Variants in SYT16 observed in about 807,000 individuals in gnomAD.
The protein encoded by SYT16 is synaptotagmin 16, also known as synaptotagmin-16.
A neutral mutation model predicts 61.4 loss-of-function variants in SYT16; 42 were observed. That is an observed-to-expected ratio of 0.68 (90% CI 0.53 to 0.89). SYT16 has a LOEUF of 0.89. Among genes scored for constraint, SYT16 ranks in the 40% least tolerant of loss-of-function variants. SYT16 has a pLI of 0.00. For missense variants in SYT16, 804 were observed against 807.3 expected (o/e 1.00, Z 0.05); for synonymous variants, 314 against 302.3 (o/e 1.04, Z -0.40).
intron 1 of SYT16, among the ~76,000 whole-genome samples, chr14:61,963,170 A>C (rs1471185342): frequency 6.6e-6 from 1 of 152,014 alleles, no homozygotes; most frequent in Non-Finnish European, 1.5e-5. Flanking sequence ...CCAATTAACA[A>C]CCCTCCAATG....
chr14:61,989,257 G>A (rs1436299238), intron 2 of SYT16, among the ~76,000 whole-genome samples: 4 of 152,114 alleles, frequency 2.6e-5, no homozygotes, highest in Non-Finnish European at 4.4e-5. Flanking sequence ...GATGTTGAGT[G>A]CCTGTTAATA....
At chr14:61,823,391 T>C (rs1024785060) in intron 1 of SYT16, among the ~76,000 whole-genome samples, 8 of 152,062 alleles carry the variant, frequency 5.3e-5, no homozygotes, top group South Asian at 4.2e-4. Context: ...TTGTATACTC[T>C]TAATGATTTT....
chr14:62,003,522 T>C (rs1052179020), intron 3 of SYT16, among the ~76,000 whole-genome samples: 2 of 152,020 alleles, frequency 1.3e-5, no homozygotes, highest in Non-Finnish European at 2.9e-5. Context: ...TTTTTAACTT[T>C]TGGACTAGTT....
At chr14:61,889,594 C>G (rs1488389363) in intron 1 of SYT16, among the ~76,000 whole-genome samples, 1 of 151,900 alleles carries the variant, frequency 6.6e-6, no homozygotes, top group African/African-American at 2.4e-5. Flanking sequence ...TGCTCCCTCT[C>G]TCTCTCTCTC....
At position 61,996,423 on chromosome 14, in the gene SYT16, A is replaced by T. The variant is rs903774672; in HGVS notation, c.404A>T (p.His135Leu). 3 of 1,613,532 alleles carry T rather than the reference A, an allele frequency of 1.9e-6. No homozygotes were observed. In the Admixed American group the frequency reaches 5.0e-5, roughly 27 times the overall value. ...GCCAGTGATGACCGCAAGTTACCAC[A>T]TGTGCTTTCTTCTATTGCGGAGGAA... ...NWASDDRKLP[H>L]VLSSIAEEEH... Residue 135 changes from histidine (H) to leucine (L), a missense_variant, in exon 3 of 8, where the codon CAT becomes CTT. Coordinates refer to ENST00000683842, the MANE Select transcript of SYT16 (RefSeq NM_001367656.1).
intron 1 of SYT16, among the ~76,000 whole-genome samples, chr14:61,954,194 T>G (rs999565367): frequency 6.6e-6 from 1 of 152,228 alleles, no homozygotes; most frequent in Non-Finnish European, 1.5e-5. Context: ...TTGTTCATAT[T>G]GTTTTTGCTC....
rs2057473563 is a variant in SYT16, at chr14:62,104,220, A to G, written c.*3513A>G. The G allele has an allele frequency of 6.6e-6, 1 of 152,200 alleles. No homozygotes were observed. The highest frequency in any genetic ancestry group is 1.5e-5 in the Non-Finnish European group (1 of 68,026). 9.4% of individuals were successfully genotyped at this position (152,200 alleles called of 1,614,324 possible). On this transcript the variant is annotated 3_prime_UTR_variant, in exon 8 of 8. Coordinates refer to ENST00000683842, the MANE Select transcript of SYT16 (RefSeq NM_001367656.1). ...ATCCTTTTGCAGCAGAGGACTTAGT[A>G]TTTTAAAAACAGAAAAGTAAGTAGG...
At position 62,004,296 on chromosome 14, in the gene SYT16, A is replaced by G. The variant is rs559978850; in HGVS notation, c.523+7754A>G. On this transcript the variant is annotated intron_variant, in intron 3 of 7. Coordinates refer to ENST00000683842, the MANE Select transcript of SYT16 (RefSeq NM_001367656.1). ...CGAGAGTGAGCAAAAGGGAAGCGTC[A>G]CTTTTAAACCCTCAGATCTCATGAG... Among the ~76,000 whole-genome samples, 3 of 152,218 alleles carry G rather than the reference A, an allele frequency of 2.0e-5. No individual in the cohort carries two copies. The South Asian group carries it at 6.2e-4, about 32-fold the overall frequency.
chr14:62,022,101 C>A (rs2053932691), intron 3 of SYT16, among the ~76,000 whole-genome samples: 1 of 148,778 alleles, frequency 6.7e-6, no homozygotes, highest in Non-Finnish European at 1.5e-5. Context: ...TATTATAATT[C>A]TTGTTAGTCA....
In SYT16 at chr14:61,899,497, G is replaced by C. The variant is rs146832927; in HGVS notation, c.-324-70635G>C. On this transcript the variant is annotated intron_variant, in intron 1 of 7. Coordinates refer to ENST00000683842, the MANE Select transcript of SYT16 (RefSeq NM_001367656.1). Reference sequence around the variant, plus strand: ...TGCCTACATTTGTTCTTAACACATGGAAGGTACTCAGTATGGGCTGGCTGA... The same window carrying C: ...TGCCTACATTTGTTCTTAACACATGCAAGGTACTCAGTATGGGCTGGCTGA... Among the ~76,000 whole-genome samples the C allele has an allele frequency of 3.5e-4, 54 of 152,328 alleles. No homozygotes were observed. In the South Asian group the frequency reaches 7.9e-3, roughly 22 times the overall value.
rs955857883 is a variant in SYT16 at position 62,105,072 on chromosome 14, G to C, written c.*4365G>C. 1.3e-5 allele frequency: 2 copies of C among 152,198 alleles called. No homozygotes were observed. Among genetic ancestry groups the C allele is most frequent in the African/African-American group, 4.8e-5 (2 of 41,468 alleles). The allele number at this position is 152,198 out of a possible 1,614,324, so 9.4% of individuals were successfully genotyped here. ...CAGGCTGGATTCGTAAATAAAGGAG[G>C]CTTCATCAGGACAGCCTAATCAGAG... On this transcript the variant is annotated 3_prime_UTR_variant, in exon 8 of 8. Transcript: ENST00000683842.
intron 1 of SYT16, among the ~76,000 whole-genome samples, chr14:61,926,672 G>A (rs956829789): frequency 2.6e-5 from 4 of 152,106 alleles, no homozygotes; most frequent in African/African-American, 9.7e-5. Context: ...CCTCTGAAGT[G>A]GAAATTCTTA....
Position 61,958,893 on chromosome 14 carries a change from A to G in SYT16, c.-324-11239A>G, listed in dbSNP as rs145614019. 4.7e-3 allele frequency among the ~76,000 whole-genome samples: 714 copies of G among 152,022 alleles called. 3 individuals carry two copies. The highest frequency in any genetic ancestry group is 0.016 in the African/African-American group (677 of 41,482). On this transcript the variant is annotated intron_variant, in intron 1 of 7. Transcript: ENST00000683842. ...TGCATTGCTACCTATTTTTCACTTC[A>G]GATTTGTCAATGTTTGTTTTATATT... is the stretch of plus-strand genomic sequence containing the variant.
chr14:62,035,132 C>G (rs1474348275), intron 3 of SYT16, among the ~76,000 whole-genome samples: 1 of 152,152 alleles, frequency 6.6e-6, no homozygotes, highest in African/African-American at 2.4e-5. Context: ...CTTCTGGGCA[C>G]AGCTTGCCTC....
intron 3 of SYT16, among the ~76,000 whole-genome samples, chr14:62,022,000 A>T (rs544300152): frequency 6.6e-6 from 1 of 150,412 alleles, no homozygotes; most frequent in African/African-American, 2.4e-5. Flanking sequence ...GTGCTTTCTA[A>T]TGGGTTCAAT....
intron 1 of SYT16, chr14:61,864,853 A>T: frequency 1.8e-6 from 2 of 1,111,588 alleles, no homozygotes; most frequent in Non-Finnish European, 1.3e-6. Context: ...ATCGCTGCAT[A>T]TTCTCCCAGC....
chr14:62,096,564 A>T (rs2141013915), intron 7 of SYT16, among the ~76,000 whole-genome samples: 1 of 152,264 alleles, frequency 6.6e-6, no homozygotes, highest in South Asian at 2.1e-4. Context: ...TAATATAAAA[A>T]ATTAATGGTA....
intron 1 of SYT16, among the ~76,000 whole-genome samples, chr14:61,844,594 G>C (rs1189939960): frequency 6.6e-6 from 1 of 152,042 alleles, no homozygotes; most frequent in Admixed American, 6.6e-5. Context: ...TATCATGAAG[G>C]GATGTTGAAT....
intron 1 of SYT16, among the ~76,000 whole-genome samples, chr14:61,879,563 G>A (rs538689734): frequency 1.2e-3 from 176 of 152,054 alleles, no homozygotes; most frequent in African/African-American, 4.1e-3. Context: ...ACCAGTAAAC[G>A]GCACCATCTT....
Sources: gnomAD v4.1 joint callset for allele counts (sites outside exome capture counted in the v4.1 genomes callset) on GRCh38, gnomAD v4.1.1 for gene constraint, MANE v1.5 for transcripts, NCBI Gene and HGNC (gene_info 2026-07-23, HGNC 2026-07-21) for gene names.